The following TNNI3K variants were observed in gnomAD, a reference collection of about 807,000 sequenced individuals.
The protein encoded by TNNI3K is serine/threonine-protein kinase TNNI3K.
A neutral mutation model predicts 114.5 loss-of-function variants in TNNI3K; 140 were observed. The ratio of observed to expected loss-of-function variants is 1.22; its 90% CI spans 1.07 to 1.41. The LOEUF (loss-of-function observed/expected upper bound fraction) is 1.41, where lower values mean the gene tolerates loss of function less well. Among genes scored for constraint, TNNI3K ranks in the 40% most tolerant of loss-of-function variants. The pLI is 0.00. For missense variants in TNNI3K, 1,125 were observed against 1,007.6 expected, an observed-to-expected ratio of 1.12 and a Z score of -1.58; for synonymous variants, 347 against 347.5, an observed-to-expected ratio of 1.00 and a Z score of 0.02.
At chr1:74,320,807 G>A (rs973668096) in intron 5 of TNNI3K, among the ~76,000 whole-genome samples, 4 of 152,052 alleles carry the variant, frequency 2.6e-5, no homozygotes, top group Non-Finnish European at 5.9e-5. Flanking sequence ...TTCAAGTAGA[G>A]GCAAATCACT....
intron 17 of TNNI3K, among the ~76,000 whole-genome samples, chr1:74,394,940 A>G (rs1663998048): frequency 6.6e-6 from 1 of 151,600 alleles, no homozygotes; most frequent in Non-Finnish European, 1.5e-5. Flanking sequence ...GCTACTCGGG[A>G]GGCTGAGGCA....
intron 20 of TNNI3K, among the ~76,000 whole-genome samples, chr1:74,456,200 A>G (rs939737824): frequency 2.0e-5 from 3 of 152,190 alleles, no homozygotes; most frequent in Non-Finnish European, 4.4e-5. Context: ...GGAGATTTTA[A>G]TAGGACTTCT....
At chr1:74,481,493 G>A (rs1034061539) in intron 21 of TNNI3K, among the ~76,000 whole-genome samples, 14 of 152,214 alleles carry the variant, frequency 9.2e-5, no homozygotes, top group African/African-American at 3.4e-4. Context: ...ATTGATTTCT[G>A]CTTTCTAGCC....
chr1:74,428,501 G>A (rs1166244236), intron 17 of TNNI3K, among the ~76,000 whole-genome samples: 5 of 152,126 alleles, frequency 3.3e-5, no homozygotes. Flanking sequence ...CTTTGGTAAG[G>A]AGGGGAGTGC....
intron 23 of TNNI3K, among the ~76,000 whole-genome samples, chr1:74,537,075 C>T (rs2100456847): frequency 6.6e-6 from 1 of 152,268 alleles, no homozygotes; most frequent in East Asian, 1.9e-4. Context: ...TATGTGGTAT[C>T]TCTTGGGCAA....
In TNNI3K at chr1:74,492,274, G is replaced by A. The variant is rs1255890126; in HGVS notation, c.2351+8G>A. The A allele has an allele frequency of 2.0e-6, 3 of 1,501,322 alleles. No individual in the cohort carries two copies. Among genetic ancestry groups the A allele is most frequent in the Non-Finnish European group, 2.7e-6 (3 of 1,109,858 alleles). The allele number at this position is 1,501,322 out of a possible 1,614,324, so 93.0% of individuals were successfully genotyped here. ...TGCTGCTTTGTCCCAAAGGTGAGTG[G>A]TAATATAAGCAAATCTCACAGTAAA... On this transcript the variant is annotated splice_region_variant and intron_variant, in intron 23 of 24. Transcript: ENST00000326637.
At chr1:74,322,463 T>TTA (rs1659670296) in intron 5 of TNNI3K, among the ~76,000 whole-genome samples, 1 of 138,082 alleles carries the variant, frequency 7.2e-6, no homozygotes, top group Non-Finnish European at 1.5e-5. Flanking sequence ...AATTCTACCT[T>TTA]TTTTTTTTTT....
chr1:74,418,169 G>A (rs565274205), intron 17 of TNNI3K: 4 of 453,842 alleles, frequency 8.8e-6, no homozygotes, highest in Non-Finnish European at 1.8e-5. Flanking sequence ...CTCCTATAGG[G>A]CTTCCTGAAC....
intron 23 of TNNI3K, among the ~76,000 whole-genome samples, chr1:74,509,684 G>A (rs1670078297): frequency 6.7e-6 from 1 of 148,958 alleles, no homozygotes. Flanking sequence ...AAGGAATAGA[G>A]TGTTGTGTTT....
At chr1:74,471,968 C>A (rs977380655) in intron 21 of TNNI3K, 1 of 619,898 alleles carries the variant, frequency 1.6e-6, no homozygotes, top group African/African-American at 1.9e-5. Flanking sequence ...CAAGGATCAT[C>A]ATATTTTGAT....
At chr1:74,409,270 C>A (rs778468654) in intron 17 of TNNI3K, among the ~76,000 whole-genome samples, 7 of 151,988 alleles carry the variant, frequency 4.6e-5, no homozygotes, top group Admixed American at 3.3e-4. Flanking sequence ...AAAGACAGAG[C>A]CCAAACTCCC....
intron 7 of TNNI3K, among the ~76,000 whole-genome samples, chr1:74,338,080 G>C (rs1210966107): frequency 3.3e-5 from 5 of 151,886 alleles, no homozygotes; most frequent in African/African-American, 2.4e-5. Flanking sequence ...ATATATATGA[G>C]AGAATTGATA....
In TNNI3K at chr1:74,345,043, G is replaced by A. The variant is rs45514991; in HGVS notation, c.932+1864G>A. Among the ~76,000 whole-genome samples the A allele has an allele frequency of 6.2e-3, 942 of 151,884 alleles. 14 individuals are homozygous for A. The highest frequency in any genetic ancestry group is 0.022 in the African/African-American group (904 of 41,422). On this transcript the variant is annotated intron_variant, in intron 9 of 24. Transcript: ENST00000326637. ...TACACGTGTGTGCATGTATATATGT[G>A]CATGTATGTATGCATGTATATATGT...
chr1:74,476,186 C>T (rs1210151872), intron 21 of TNNI3K, among the ~76,000 whole-genome samples: 1 of 152,174 alleles, frequency 6.6e-6, no homozygotes, highest in African/African-American at 2.4e-5. Context: ...CTTCTAATCT[C>T]AGACTGCCTG....
At chr1:74,475,334 G>A (rs1454256441) in intron 21 of TNNI3K, 1 of 707,912 alleles carries the variant, frequency 1.4e-6, no homozygotes, top group African/African-American at 1.8e-5. Context: ...GTTTGAGGCT[G>A]GACTTCTCCA....
intron 5 of TNNI3K, among the ~76,000 whole-genome samples, chr1:74,297,936 A>G (rs1177603145): frequency 1.3e-5 from 2 of 151,602 alleles, no homozygotes; most frequent in Admixed American, 6.6e-5. Context: ...AGTTGTCACT[A>G]TTTTTTTTAG....
chr1:74,518,178 G>T (rs1421626838), intron 23 of TNNI3K, among the ~76,000 whole-genome samples: 1 of 152,180 alleles, frequency 6.6e-6, no homozygotes, highest in East Asian at 1.9e-4. Context: ...TGGCCCAGTG[G>T]AGTAGATGGA....
intron 4 of TNNI3K, among the ~76,000 whole-genome samples, chr1:74,263,054 G>A (rs538609429): frequency 3.3e-5 from 5 of 152,186 alleles, no homozygotes; most frequent in Admixed American, 3.3e-4. Flanking sequence ...TAAATGGGAA[G>A]TAAAACTCAA....
At chr1:74,275,145 T>C (rs948366170) in intron 5 of TNNI3K, among the ~76,000 whole-genome samples, 2 of 151,944 alleles carry the variant, frequency 1.3e-5, no homozygotes, top group Non-Finnish European at 2.9e-5. Context: ...ATTAGTCCAT[T>C]TTCACACTGC....
Sources: allele counts gnomAD v4.1 joint callset (sites outside exome capture counted in the v4.1 genomes callset), GRCh38; gene constraint gnomAD v4.1.1; transcripts MANE v1.5; gene names NCBI Gene and HGNC (gene_info 2026-07-23, HGNC 2026-07-21).